SLC9A9: variants seen among roughly 807,000 people sequenced by gnomAD.
SLC9A9 encodes solute carrier family 9 member A9, also known as sodium/hydrogen exchanger 9.
Under a neutral mutation model 77.8 loss-of-function variants are expected in SLC9A9, and 62 were observed. The observed-to-expected ratio is 0.80, with a 90% confidence interval of 0.65 to 0.98. The LOEUF is 0.98. Among genes scored for constraint, SLC9A9 ranks in the 50% least tolerant of loss-of-function variants. The pLI is 0.00. For missense variants in SLC9A9, 775 were observed against 774.9 expected, an observed-to-expected ratio of 1.00 and a Z score of 0.00; for synonymous variants, 320 against 283.5, an observed-to-expected ratio of 1.13 and a Z score of -1.29.
At chr3:143,350,555 A>G (rs1486166980) in intron 14 of SLC9A9, among the ~76,000 whole-genome samples, 1 of 152,146 alleles carries the variant, frequency 6.6e-6, no homozygotes, top group Non-Finnish European at 1.5e-5. Flanking sequence ...ATAATTTTCC[A>G]CATTTGCACC....
intron 4 of SLC9A9, among the ~76,000 whole-genome samples, chr3:143,767,372 G>GTGTA (rs1553790517): frequency 1.5e-5 from 2 of 133,948 alleles, no homozygotes; most frequent in Admixed American, 7.6e-5. Context: ...GTAAGTGTCT[G>GTGTA]TGTATGTGTG....
intron 14 of SLC9A9, among the ~76,000 whole-genome samples, chr3:143,342,619 G>A (rs2032138412): frequency 6.6e-6 from 1 of 152,200 alleles, no homozygotes; most frequent in Non-Finnish European, 1.5e-5. Context: ...AGGCCAAACA[G>A]CTTCCAATAG....
At chr3:143,699,758 G>A (rs1363398663) in intron 4 of SLC9A9, among the ~76,000 whole-genome samples, 2 of 152,206 alleles carry the variant, frequency 1.3e-5, no homozygotes, top group East Asian at 1.9e-4. Flanking sequence ...TAGGGTACAA[G>A]GACTCAAATT....
At chr3:143,296,525 G>A (rs1332490958) in intron 14 of SLC9A9, among the ~76,000 whole-genome samples, 1 of 152,180 alleles carries the variant, frequency 6.6e-6, no homozygotes, top group Non-Finnish European at 1.5e-5. Context: ...AATGAACATG[G>A]GATGCAAATA....
At chr3:143,346,605 T>C (rs1481911117) in intron 14 of SLC9A9, among the ~76,000 whole-genome samples, 1 of 152,086 alleles carries the variant, frequency 6.6e-6, no homozygotes, top group Admixed American at 6.6e-5. Flanking sequence ...TTGGCCAACA[T>C]GGTGAAACCC....
intron 7 of SLC9A9, among the ~76,000 whole-genome samples, chr3:143,577,476 C>T (rs2037378413): frequency 2.0e-5 from 3 of 152,154 alleles, no homozygotes; most frequent in Admixed American, 2.0e-4. Context: ...ATAAAGTTGG[C>T]CAAGGGTATT....
At chr3:143,795,201 C>G in intron 3 of SLC9A9, 124 bp from the exon 4 acceptor site, 1 of 723,650 alleles carries the variant, frequency 1.4e-6, no homozygotes, top group Non-Finnish European at 2.3e-6. Context: ...GGTTTTGGAG[C>G]CTCGTTCCTG....
chr3:143,586,645 A>G (rs1194143991), intron 6 of SLC9A9, among the ~76,000 whole-genome samples: 1 of 152,222 alleles, frequency 6.6e-6, no homozygotes, highest in African/African-American at 2.4e-5. Context: ...TTAATTATGA[A>G]TAAGGAATTG....
chr3:143,326,302 A>C (rs899117623), intron 14 of SLC9A9, among the ~76,000 whole-genome samples: 1 of 152,182 alleles, frequency 6.6e-6, no homozygotes, highest in South Asian at 2.1e-4. Context: ...TGATCTGTAA[A>C]ATAGTCAATT....
chr3:143,413,467 G>C (rs2034134947), intron 12 of SLC9A9, among the ~76,000 whole-genome samples: 1 of 152,170 alleles, frequency 6.6e-6, no homozygotes, highest in South Asian at 2.1e-4. Context: ...CCACCTCAGA[G>C]AGATATGCTG....
In SLC9A9 at chr3:143,599,620, T is replaced by C. The variant is rs139870630; in HGVS notation, c.756-20897A>G. On this transcript the variant is annotated intron_variant, in intron 6 of 15. Transcript: ENST00000316549. Reference sequence around the variant, plus strand: ...AATATCATTTCTCTCCTTTGCACTATTGAGATGCAAATGGCGCTACTGGCT... The same window carrying C: ...AATATCATTTCTCTCCTTTGCACTACTGAGATGCAAATGGCGCTACTGGCT... Among the ~76,000 whole-genome samples the C allele has an allele frequency of 6.3e-4, 96 of 152,206 alleles. 1 individual carries two copies. Among genetic ancestry groups the C allele is most frequent in the African/African-American group, 9.6e-4 (40 of 41,534 alleles).
intron 2 of SLC9A9, among the ~76,000 whole-genome samples, chr3:143,826,724 TA>T (rs1320666820): frequency 1.3e-5 from 2 of 152,190 alleles, no homozygotes; most frequent in African/African-American, 4.8e-5. Flanking sequence ...GAATATTGTC[TA>T]CCCCTTTTCC....
chr3:143,630,760 C>T (rs980524639), intron 6 of SLC9A9, among the ~76,000 whole-genome samples: 1 of 152,080 alleles, frequency 6.6e-6, no homozygotes, highest in East Asian at 1.9e-4. Context: ...ATATGATAGA[C>T]TTTGCTTACA....
chr3:143,624,109 T>C (rs1576617961), intron 6 of SLC9A9, among the ~76,000 whole-genome samples: 1 of 152,124 alleles, frequency 6.6e-6, no homozygotes, highest in African/African-American at 2.4e-5. Context: ...GCTCTGAAAT[T>C]GAGGCAATAA....
chr3:143,462,401 ACTAT>A (rs1273222805), intron 12 of SLC9A9, among the ~76,000 whole-genome samples: 1 of 152,170 alleles, frequency 6.6e-6, no homozygotes, highest in Non-Finnish European at 1.5e-5. Context: ...GAAGGATTGC[ACTAT>A]CTAAAAGTTA....
At chr3:143,602,267 C>A (rs968469516) in intron 6 of SLC9A9, among the ~76,000 whole-genome samples, 1 of 152,240 alleles carries the variant, frequency 6.6e-6, no homozygotes, top group Admixed American at 6.5e-5. Context: ...GTAGCCCAGT[C>A]TGGAGCAAAG....
chr3:143,673,518 T>C (rs1442060591), intron 5 of SLC9A9, among the ~76,000 whole-genome samples: 1 of 124,946 alleles, frequency 8.0e-6, no homozygotes, highest in Non-Finnish European at 1.6e-5. Context: ...CCAATCCAAA[T>C]ACAAATCTGT....
intron 9 of SLC9A9, among the ~76,000 whole-genome samples, chr3:143,526,284 C>T (rs947955709): frequency 6.6e-6 from 1 of 152,124 alleles, no homozygotes; most frequent in Non-Finnish European, 1.5e-5. Context: ...AGAAGGGAGC[C>T]ATCTGCGTCT....
chr3:143,500,293 T>A (rs1409781840), intron 9 of SLC9A9, among the ~76,000 whole-genome samples: 1 of 152,210 alleles, frequency 6.6e-6, no homozygotes, highest in Non-Finnish European at 1.5e-5. Context: ...CCTCAATATT[T>A]GTGTCTGTAT....
Sources: gnomAD v4.1 joint callset for allele counts (sites outside exome capture counted in the v4.1 genomes callset) on GRCh38, gnomAD v4.1.1 for gene constraint, MANE v1.5 for transcripts, NCBI Gene and HGNC (gene_info 2026-07-23, HGNC 2026-07-21) for gene names.